LRP1B: variants seen among roughly 807,000 people sequenced by gnomAD.
LRP1B encodes LDL receptor related protein 1B, also known as low-density lipoprotein receptor-related protein 1B.
Under a neutral mutation model 556.6 loss-of-function variants are expected in LRP1B, and 217 were observed. The ratio of observed to expected loss-of-function variants is 0.39; its 90% CI spans 0.35 to 0.44. The LOEUF (loss-of-function observed/expected upper bound fraction) is 0.44, where lower values mean the gene tolerates loss of function less well. LRP1B is among the 20% of genes least tolerant of loss of function. The pLI, the probability that LRP1B is intolerant of heterozygous loss-of-function variation, is 1.00. For missense variants in LRP1B, 5,053 were observed against 5,620.8 expected, an observed-to-expected ratio of 0.90 and a Z score of 3.23; for synonymous variants, 2,047 against 1,865.8, an observed-to-expected ratio of 1.10 and a Z score of -2.50.
chr2:141,785,627 A>G (rs549607881), intron 2 of LRP1B, among the ~76,000 whole-genome samples: 3 of 151,416 alleles, frequency 2.0e-5, no homozygotes, highest in Admixed American at 6.6e-5. Flanking sequence ...AGCATGTCCA[A>G]AAAACGGAAA....
chr2:141,949,003 C>T (rs571938310), intron 1 of LRP1B, among the ~76,000 whole-genome samples: 1 of 152,094 alleles, frequency 6.6e-6, no homozygotes, highest in Non-Finnish European at 1.5e-5. Context: ...GTAATAAGCT[C>T]TAAAAGCTAG....
intron 41 of LRP1B, among the ~76,000 whole-genome samples, chr2:140,692,727 C>T (rs1179730617): frequency 1.3e-5 from 2 of 152,050 alleles, no homozygotes; most frequent in Non-Finnish European, 2.9e-5. Context: ...TGCAACTATA[C>T]ACCACTAGTG....
At chr2:142,027,698 A>G (rs2105189194) in intron 1 of LRP1B, among the ~76,000 whole-genome samples, 1 of 147,828 alleles carries the variant, frequency 6.8e-6, no homozygotes, top group African/African-American at 2.5e-5. Context: ...ACACACACAC[A>G]GAGATAAAGT....
intron 6 of LRP1B, among the ~76,000 whole-genome samples, chr2:141,222,960 C>A (rs758273111): frequency 6.6e-6 from 1 of 152,008 alleles, no homozygotes; most frequent in Non-Finnish European, 1.5e-5. Flanking sequence ...GGAAGCATTC[C>A]CCTTGAAAAC....
intron 1 of LRP1B, among the ~76,000 whole-genome samples, chr2:141,880,541 A>G (rs1019394706): frequency 1.3e-5 from 2 of 152,060 alleles, no homozygotes; most frequent in Non-Finnish European, 2.9e-5. Context: ...TAATAAAAAA[A>G]GGAAATAAAA....
chr2:141,107,623 C>A (rs1007360923), intron 7 of LRP1B, among the ~76,000 whole-genome samples: 10 of 151,398 alleles, frequency 6.6e-5, no homozygotes, highest in Non-Finnish European at 1.2e-4. Flanking sequence ...TCCAGCCTGG[C>A]AACAGAGCAA....
At chr2:141,043,791 T>C (rs1339841312) in intron 11 of LRP1B, among the ~76,000 whole-genome samples, 2 of 152,014 alleles carry the variant, frequency 1.3e-5, no homozygotes, top group African/African-American at 4.8e-5. Context: ...AAAATTATAA[T>C]TCATATTACA....
At chr2:140,416,369 T>C (rs542088493) in intron 66 of LRP1B, among the ~76,000 whole-genome samples, 28 of 152,166 alleles carry the variant, frequency 1.8e-4, no homozygotes, top group Non-Finnish European at 3.7e-4. Context: ...CAAAACCCTA[T>C]CAGAGGCCAG....
intron 1 of LRP1B, among the ~76,000 whole-genome samples, chr2:142,095,816 A>C (rs2104958756): frequency 6.6e-6 from 1 of 151,790 alleles, no homozygotes; most frequent in Admixed American, 6.6e-5. Flanking sequence ...AGATTAGAAA[A>C]CCCCTAGGTT....
intron 6 of LRP1B, among the ~76,000 whole-genome samples, chr2:141,206,147 A>G (rs1682268555): frequency 6.6e-6 from 1 of 152,154 alleles, no homozygotes. Context: ...ACACACACAC[A>G]CACACACACA....
Position 140,405,675 on chromosome 2 carries a change from C to A in LRP1B, c.10415-19666G>T, listed in dbSNP as rs559960121. 2.0e-5 allele frequency among the ~76,000 whole-genome samples: 3 copies of A among 152,132 alleles called. No individual in the cohort carries two copies. In the South Asian group the frequency reaches 6.2e-4, roughly 32 times the overall value. Reference sequence around the variant, plus strand: ...GAAGAAATAGAAACCCTGAACAGACCAATAACAAGCTGTGAGATTAAGTCA... The same window carrying A: ...GAAGAAATAGAAACCCTGAACAGACAAATAACAAGCTGTGAGATTAAGTCA... On this transcript the variant is annotated intron_variant, in intron 66 of 90. Coordinates refer to ENST00000389484, the MANE Select transcript of LRP1B (RefSeq NM_018557.3).
chr2:141,347,772 C>T (rs1688305608), intron 3 of LRP1B, among the ~76,000 whole-genome samples: 1 of 151,952 alleles, frequency 6.6e-6, no homozygotes, highest in Non-Finnish European at 1.5e-5. Context: ...ATCAAGTCTA[C>T]TTGTATTTTT....
At chr2:140,816,974 A>T (rs16844833) in intron 31 of LRP1B, among the ~76,000 whole-genome samples, 1,907 of 152,212 alleles carry the variant, frequency 0.013, 46 homozygotes, top group African/African-American at 0.044. Flanking sequence ...GCTAATATTT[A>T]AAAAAATGAA....
At chr2:140,806,286 T>C (rs748181966) in intron 32 of LRP1B, among the ~76,000 whole-genome samples, 7 of 152,006 alleles carry the variant, frequency 4.6e-5, no homozygotes, top group Non-Finnish European at 1.0e-4. Flanking sequence ...TACAAATATA[T>C]AAATAAAAAT....
Position 141,213,289 on chromosome 2 carries a change from C to T in LRP1B, c.850+15894G>A, listed in dbSNP as rs142389165. 4.3e-4 allele frequency among the ~76,000 whole-genome samples: 66 copies of T among 151,926 alleles called. 1 individual carries two copies. Among genetic ancestry groups the T allele is most frequent in the Middle Eastern group, 3.4e-3 (1 of 294 alleles). On this transcript the variant is annotated intron_variant, in intron 6 of 90. Coordinates refer to ENST00000389484, the MANE Select transcript of LRP1B (RefSeq NM_018557.3). The stretch of plus-strand genomic sequence containing the variant: ...TGTTAAACATTGAAATAAATATGAG[C>T]GATACATACATTTAATAAAGATTAA...
chr2:140,536,394 G>A (rs1405140824), intron 46 of LRP1B, among the ~76,000 whole-genome samples, 187 bp downstream of exon 46: 1 of 145,122 alleles, frequency 6.9e-6, no homozygotes, highest in Admixed American at 7.0e-5. Flanking sequence ...GAATATCATG[G>A]CTATCAAACA....
chr2:140,264,734 GTGTGTGTA>G (rs751293467), intron 86 of LRP1B, among the ~76,000 whole-genome samples: 1,266 of 99,302 alleles, frequency 0.013, 10 homozygotes, highest in Non-Finnish European at 0.016. Context: ...GTGTGTGTGT[GTGTGTGTA>G]TATAATTTTC....
intron 7 of LRP1B, among the ~76,000 whole-genome samples, chr2:141,102,325 T>A (rs1357425846): frequency 6.6e-6 from 1 of 152,168 alleles, no homozygotes; most frequent in East Asian, 1.9e-4. Flanking sequence ...TAGACTCCTC[T>A]GTTTATATTG....
intron 7 of LRP1B, among the ~76,000 whole-genome samples, chr2:141,159,712 T>A (rs1211754800): frequency 6.6e-6 from 1 of 152,196 alleles, no homozygotes; most frequent in South Asian, 2.1e-4. Flanking sequence ...AAACATAGCC[T>A]CTGAAAATGA....
Sources: gnomAD v4.1 joint callset for allele counts (sites outside exome capture counted in the v4.1 genomes callset) on GRCh38, gnomAD v4.1.1 for gene constraint, MANE v1.5 for transcripts, NCBI Gene and HGNC (gene_info 2026-07-23, HGNC 2026-07-21) for gene names.